The following SLC38A5 variants were observed in gnomAD, a reference collection of about 807,000 sequenced individuals.
The protein encoded by SLC38A5 is sodium-coupled neutral amino acid transporter 5.
SLC38A5 carries 9 observed loss-of-function variants against 34.6 expected under a neutral mutation model. That is an observed-to-expected ratio of 0.26 (90% confidence interval 0.16 to 0.45). The LOEUF (loss-of-function observed/expected upper bound fraction) is 0.45. Among genes scored for constraint, SLC38A5 ranks in the 20% least tolerant of loss-of-function variants. SLC38A5 has a pLI of 1.00. For synonymous variants in SLC38A5, 157 were observed against 155.6 expected (o/e 1.01, Z -0.07); for missense variants, 253 against 394.7 (o/e 0.64, Z 3.04).
chrX:48,468,504 C>A (rs1264374343), intron 2 of SLC38A5: 1 of 554,509 alleles, frequency 1.8e-6, no homozygotes, highest in South Asian at 9.2e-5. Flanking sequence ...GCTAATGCAA[C>A]CTGTTGAGTG....
At chrX:48,459,985 T>C (rs2061423763) in intron 14 of SLC38A5, 109 bp from the exon 15 acceptor site, 1 of 1,003,833 alleles carries the variant, frequency 1.0e-6, no homozygotes, top group Non-Finnish European at 1.3e-6. Context: ...TGATTTCCCC[T>C]CCCTCTGACT....
At chrX:48,469,199 C>T (rs1251917670) in intron 2 of SLC38A5, 136 bp downstream of exon 2, 1 of 154,819 alleles carries the variant, frequency 6.5e-6, no homozygotes, top group Non-Finnish European at 1.1e-5. Context: ...AAAAGGACCT[C>T]CCCATACACG....
chrX:48,461,668 C>T, intron 12 of SLC38A5, 50 bp downstream of exon 12: 3 of 1,110,313 alleles, frequency 2.7e-6, no homozygotes, highest in Non-Finnish European at 3.7e-6. Flanking sequence ...ATTCTGGTTA[C>T]CACCCCACTT....
Position 48,458,683 on chromosome X carries a change from C to CCTT in SLC38A5, c.*249_*250insAAG. 2 of 989,910 alleles carry CCTT rather than the reference C, an allele frequency of 2.0e-6. No individual in the cohort carries two copies. Among genetic ancestry groups the CCTT allele is most frequent in the Non-Finnish European group, 1.3e-6 (1 of 785,740 alleles). The allele number at this position is 989,910 out of a possible 1,213,427, so 81.6% of individuals were successfully genotyped here. On this transcript the variant is annotated 3_prime_UTR_variant, in exon 17 of 17. Coordinates refer to ENST00000620913, the MANE Select transcript of SLC38A5 (RefSeq NM_033518.4). ...GCCTCCTCCTCCTCCTCCTCCTCCTCCTCCTCCTCCTCTTCTTCCTCCTCC... is the reference window on the plus strand; with the variant it reads ...GCCTCCTCCTCCTCCTCCTCCTCCTCCTTCTCCTCCTCCTCTTCTTCCTCCTCC...
At chrX:48,466,741 C>T (rs2061479781) in intron 6 of SLC38A5, 58 bp downstream of exon 6, 1 of 1,119,557 alleles carries the variant, frequency 8.9e-7, no homozygotes, top group African/African-American at 1.8e-5. Context: ...GATGTGGCTC[C>T]AGAGTCTGGG....
In SLC38A5 at chrX:48,458,900, A is replaced by G. The variant is rs2061416666; in HGVS notation, c.*33T>C. 2.6e-6 allele frequency: 3 copies of G among 1,163,580 alleles called. No homozygotes were observed. The highest frequency in any genetic ancestry group is 3.4e-6 in the Non-Finnish European group (3 of 870,942). The stretch of plus-strand genomic sequence containing the variant: ...GAGCGGCCCTGACCCCTCCATGTGC[A>G]TGCGCACAGGGACCTGGGCCAGCAG... On this transcript the variant is annotated 3_prime_UTR_variant, in exon 17 of 17. Transcript: ENST00000620913.
intron 4 of SLC38A5, chrX:48,467,455 G>A: frequency 2.3e-6 from 1 of 431,573 alleles, no homozygotes; most frequent in South Asian, 3.5e-5. Flanking sequence ...GGCCGGGAGG[G>A]GAGCAGCCAG....
rs1007958600 is a variant in SLC38A5 at position 48,460,657 on chromosome X, G to T, written c.1060C>A (p.Leu354Met). Residue 354 changes from leucine to methionine, a missense_variant, in exon 14 of 17, where the codon CTG (leucine) becomes ATG (methionine). Leu to Met is a conservative substitution (Grantham distance 15, BLOSUM62 2). Transcript: ENST00000620913. ...CCGTGGGCCCCACGCACAGGGAACA[G>T]CACGACTGGCACAGTGAGGGTCACC... ...LAVTLTVPVVLFPIRRALQQL... is the reference protein window; with the variant it reads ...LAVTLTVPVVMFPIRRALQQL... The T allele has an allele frequency of 9.9e-6, 12 of 1,211,278 alleles. No individual in the cohort carries two copies. Among genetic ancestry groups the T allele is most frequent in the South Asian group, 1.8e-5 (1 of 57,001 alleles).
chrX:48,462,847 C>T, intron 9 of SLC38A5, 51 bp downstream of exon 9: 1 of 1,007,539 alleles, frequency 9.9e-7, no homozygotes, highest in Non-Finnish European at 1.4e-6. Flanking sequence ...CTCAGTCTGG[C>T]TTCTTCTGTC....
intron 2 of SLC38A5, chrX:48,468,296 C>T: frequency 1.2e-6 from 1 of 847,575 alleles, no homozygotes. Context: ...TCCCAGACCC[C>T]AGACTCACGC....
Position 48,458,684 on chromosome X carries a change from C to CTCT in SLC38A5, c.*248_*249insAGA, listed in dbSNP as rs1219545011. On this transcript the variant is annotated 3_prime_UTR_variant, in exon 17 of 17. Transcript: ENST00000620913. ...CCTCCTCCTCCTCCTCCTCCTCCTC[C>CTCT]TCCTCCTCCTCTTCTTCCTCCTCCT... 13 of 992,971 alleles carry CTCT rather than the reference C, an allele frequency of 1.3e-5. No homozygotes were observed. In the East Asian group the frequency reaches 4.9e-4, roughly 37 times the overall value. 81.8% of individuals were successfully genotyped at this position (992,971 alleles called of 1,213,427 possible).
intron 14 of SLC38A5, among the ~76,000 whole-genome samples, 165 bp downstream of exon 14, chrX:48,460,484 A>T (rs1456104841): frequency 9.1e-6 from 1 of 110,211 alleles, no homozygotes; most frequent in Non-Finnish European, 1.9e-5. Flanking sequence ...CTGTTTATCG[A>T]TTTTTGCCAT....
rs995072739 is a variant in SLC38A5 at position 48,459,041 on chromosome X, G to A, written c.1318-7C>T. 1.7e-6 allele frequency: 2 copies of A among 1,181,589 alleles called. No individual in the cohort carries two copies. Among genetic ancestry groups the A allele is most frequent in the Non-Finnish European group, 2.3e-6 (2 of 879,743 alleles). On this transcript the variant is annotated splice_polypyrimidine_tract_variant and splice_region_variant and intron_variant, in intron 16 of 16. Transcript: ENST00000620913. ...GGACTCCAAAGCACAGGGCCTGTGG[G>A]CCAGAGAGACAAGATGGGGCTGGTT...
At chrX:48,467,606 G>T in intron 4 of SLC38A5, 104 bp downstream of exon 4, 1 of 819,096 alleles carries the variant, frequency 1.2e-6, no homozygotes, top group Non-Finnish European at 1.8e-6. Context: ...AGATAGCTGG[G>T]CAGGGGAACA....
intron 4 of SLC38A5, 54 bp downstream of exon 4, chrX:48,467,656 G>T: frequency 8.9e-7 from 1 of 1,122,588 alleles, no homozygotes; most frequent in Non-Finnish European, 1.2e-6. Flanking sequence ...AGCAGTGCGG[G>T]AGGAGATTAG....
Position 48,462,911 on chromosome X carries a change from G to A in SLC38A5, c.561C>T (p.Leu187=), listed in dbSNP as rs781922435. The A allele has an allele frequency of 3.3e-6, 4 of 1,207,951 alleles. No individual in the cohort carries two copies. The highest frequency in any genetic ancestry group is 4.5e-6 in the Non-Finnish European group (4 of 893,666). ...GGAGCCTCTTACCCAAGTGTTTCAT[G>A]AGGGCGAGGGGCAGGATGATTAACA... ...VSVLIILPLA[L]MKHLGYLGYT... The change falls in exon 9 of 17, where the codon CTC becomes CTT. Residue 187 remains leucine (L), a synonymous_variant. Transcript: ENST00000620913.
intron 2 of SLC38A5, chrX:48,469,098 G>A (rs1332426164): frequency 1.4e-6 from 1 of 714,122 alleles, no homozygotes; most frequent in African/African-American, 2.4e-5. Context: ...TCCTGGGACA[G>A]GGAGGGTCTC....
chrX:48,459,283 T>C, intron 16 of SLC38A5: 1 of 433,704 alleles, frequency 2.3e-6, no homozygotes, highest in Admixed American at 4.4e-5. Context: ...CCAATAGTGC[T>C]CTTTCCATCT....
chrX:48,464,889 G>A (rs1032645534), intron 8 of SLC38A5, among the ~76,000 whole-genome samples: 3 of 109,311 alleles, frequency 2.7e-5, no homozygotes, highest in Non-Finnish European at 3.8e-5. Flanking sequence ...AGCTGAGATC[G>A]TGTCACTGCA....
Sources: allele counts gnomAD v4.1 joint callset (sites outside exome capture counted in the v4.1 genomes callset), GRCh38; gene constraint gnomAD v4.1.1; transcripts MANE v1.5; gene names NCBI Gene and HGNC (gene_info 2026-07-23, HGNC 2026-07-21).